Variants in ADAM20 observed in about 807,000 individuals in gnomAD.
ADAM20 encodes ADAM metallopeptidase domain 20.
For missense variants in ADAM20, 871 were observed against 883.2 expected (o/e 0.99, Z 0.18); for synonymous variants, 305 against 310.2 (o/e 0.98, Z 0.18).
upstream of ADAM20, chr14:70,535,118 A>T (rs939482075): frequency 2.0e-5 from 3 of 152,240 alleles, no homozygotes; most frequent in East Asian, 5.8e-4. Context: ...GGATGAAGTG[A>T]CTGCTGTGAT....
the ADAM20 span, among the ~76,000 whole-genome samples, chr14:70,576,428 A>C: frequency 6.6e-6 from 1 of 152,176 alleles, no homozygotes; most frequent in African/African-American, 2.4e-5. Context: ...AAAGCTGATA[A>C]AATTTTTTTT....
the ADAM20 span, chr14:70,556,870 G>A: frequency 6.6e-6 from 1 of 152,178 alleles, no homozygotes; most frequent in Non-Finnish European, 1.5e-5. Context: ...AAAGTGCGAG[G>A]TGGTGCCCTG....
chr14:70,556,945 G>A, the ADAM20 span: 3 of 152,140 alleles, frequency 2.0e-5, no homozygotes, highest in African/African-American at 7.2e-5. Context: ...CATAAAATAT[G>A]CAACAGTCAC....
the ADAM20 span, among the ~76,000 whole-genome samples, chr14:70,571,867 C>A: frequency 6.6e-6 from 1 of 152,290 alleles, no homozygotes; most frequent in Middle Eastern, 3.4e-3. Context: ...ATCAAGAACT[C>A]AATTCCATCT....
At chr14:70,536,222 T>C (rs1883828267), upstream of ADAM20, among the ~76,000 whole-genome samples, 4 of 151,888 alleles carry the variant, frequency 2.6e-5, 1 homozygote, top group South Asian at 8.3e-4. Context: ...TCCTAGCACT[T>C]TGAGAGGTTG....
the ADAM20 span, among the ~76,000 whole-genome samples, chr14:70,577,846 G>C: frequency 1.3e-5 from 2 of 152,084 alleles, no homozygotes; most frequent in Non-Finnish European, 2.9e-5. Flanking sequence ...GAACAAGCTG[G>C]ACTCTTACTT....
chr14:70,524,929 A>G lies in ADAM20; in HGVS notation c.-172T>C. 6.4e-7 allele frequency: 1 copy of G among 1,566,870 alleles called. No homozygotes were observed. The highest frequency in any genetic ancestry group is 1.2e-5 in the South Asian group (1 of 84,100). The stretch of plus-strand genomic sequence containing the variant: ...CCATCAGAGCTGCAGTGCTGAAAAT[A>G]AAAACTGAAAGAGCCAGGATGGGGT... On this transcript the variant is annotated 5_prime_UTR_variant, in exon 2 of 2. Coordinates refer to ENST00000256389, the MANE Select transcript of ADAM20 (RefSeq NM_003814.5).
At chr14:70,533,523 T>G (rs1407813699) in intron 1 of ADAM20, among the ~76,000 whole-genome samples, 1 of 152,058 alleles carries the variant, frequency 6.6e-6, no homozygotes, top group Admixed American at 6.5e-5. Flanking sequence ...CACTGCATGC[T>G]CTCACTCATA....
chr14:70,531,022 A>G lies in ADAM20; in HGVS notation c.-177+3775T>C, dbSNP rs570277836. Among the ~76,000 whole-genome samples the G allele has an allele frequency of 3.3e-5, 5 of 152,312 alleles. No homozygotes were observed. In the South Asian group the frequency reaches 1.0e-3, roughly 32 times the overall value. On this transcript the variant is annotated intron_variant, in intron 1 of 1. Transcript: ENST00000256389. ...AGCAGTAATAAACAAAATAGAGAATAGACCATTTAAAAATCAATACAAATT... is the reference window on the plus strand; with the variant it reads ...AGCAGTAATAAACAAAATAGAGAATGGACCATTTAAAAATCAATACAAATT...
chr14:70,539,977 C>T (rs1285223946), upstream of ADAM20, among the ~76,000 whole-genome samples: 1 of 152,204 alleles, frequency 6.6e-6, no homozygotes, highest in Non-Finnish European at 1.5e-5. Context: ...TGCCGATCCG[C>T]CTGGGAACAA....
At chr14:70,575,562 T>C in the ADAM20 span, among the ~76,000 whole-genome samples, 1 of 152,204 alleles carries the variant, frequency 6.6e-6, no homozygotes, top group African/African-American at 2.4e-5. Context: ...TTCGTGGTAA[T>C]GGTATCACCT....
the ADAM20 span, among the ~76,000 whole-genome samples, chr14:70,575,092 G>A: frequency 6.6e-6 from 1 of 151,702 alleles, no homozygotes; most frequent in Non-Finnish European, 1.5e-5. Context: ...TGTAACACGA[G>A]ATAAATAAGT....
At chr14:70,553,342 G>A in the ADAM20 span, among the ~76,000 whole-genome samples, 147 of 40,268 alleles carry the variant, frequency 3.7e-3, no homozygotes, top group Admixed American at 4.5e-3. Context: ...ACTAGTAGCA[G>A]AATTGAAAAA....
chr14:70,541,337 C>A, the ADAM20 span, among the ~76,000 whole-genome samples: 1 of 152,084 alleles, frequency 6.6e-6, no homozygotes, highest in Non-Finnish European at 1.5e-5. Context: ...TAGGTAAGAC[C>A]TAGGACACAT....
the ADAM20 span, among the ~76,000 whole-genome samples, chr14:70,559,870 G>A: frequency 6.6e-6 from 1 of 152,148 alleles, no homozygotes; most frequent in Non-Finnish European, 1.5e-5. Context: ...GATGATCCAT[G>A]AAGTAAATCC....
At chr14:70,558,360 A>C in the ADAM20 span, among the ~76,000 whole-genome samples, 1 of 152,258 alleles carries the variant, frequency 6.6e-6, no homozygotes, top group Admixed American at 6.5e-5. Flanking sequence ...TACCCTGGCT[A>C]CTAGAAAGGA....
chr14:70,533,690 C>G (rs1440449894), intron 1 of ADAM20, among the ~76,000 whole-genome samples: 1 of 151,666 alleles, frequency 6.6e-6, no homozygotes, highest in East Asian at 1.9e-4. Context: ...ATGGGTGCAG[C>G]AAACCACCAT....
At chr14:70,564,213 T>C in the ADAM20 span, among the ~76,000 whole-genome samples, 6 of 152,324 alleles carry the variant, frequency 3.9e-5, no homozygotes, top group East Asian at 1.9e-4. Flanking sequence ...CTGAGCAAGA[T>C]TGGTAAAAGT....
the ADAM20 span, among the ~76,000 whole-genome samples, chr14:70,571,263 C>T: frequency 1.1e-4 from 16 of 152,144 alleles, no homozygotes; most frequent in Non-Finnish European, 8.8e-5. Context: ...GTAGTTCCCA[C>T]AATCCCCATG....
Sources: allele counts gnomAD v4.1 joint callset (sites outside exome capture counted in the v4.1 genomes callset), GRCh38; gene constraint gnomAD v4.1.1; transcripts MANE v1.5; gene names NCBI Gene and HGNC (gene_info 2026-07-23, HGNC 2026-07-21).